CLHC1: variants seen among roughly 807,000 people sequenced by gnomAD.
The protein encoded by CLHC1 is clathrin heavy chain linker domain-containing protein 1.
Under a neutral mutation model 69.5 loss-of-function variants are expected in CLHC1, and 72 were observed. The ratio of observed to expected loss-of-function variants is 1.04; its 90% CI spans 0.86 to 1.26. The LOEUF is 1.26. Ranked by LOEUF, CLHC1 falls within the 50% of genes most tolerant of loss-of-function variation. CLHC1 has a pLI of 0.00. For missense variants in CLHC1, 790 were observed against 679.3 expected, an observed-to-expected ratio of 1.16 and a Z score of -1.81; for synonymous variants, 223 against 224.3, an observed-to-expected ratio of 0.99 and a Z score of 0.05.
In CLHC1 at chr2:55,189,345, T is replaced by C. The variant is rs193106979; in HGVS notation, c.1007-7601A>G. 5.9e-3 allele frequency among the ~76,000 whole-genome samples: 893 copies of C among 152,322 alleles called. 2 individuals carry two copies. The highest frequency in any genetic ancestry group is 9.8e-3 in the Non-Finnish European group (669 of 68,032). On this transcript the variant is annotated intron_variant, in intron 9 of 12. Transcript: ENST00000401408. ...CAAATATATCAATAATTTTGTTAAATAGTTATTATGTTAATTATGTTTAGT... is the reference window on the plus strand; with the variant it reads ...CAAATATATCAATAATTTTGTTAAACAGTTATTATGTTAATTATGTTTAGT...
chr2:55,193,184 G>A (rs1052064036), intron 9 of CLHC1, among the ~76,000 whole-genome samples: 4 of 152,176 alleles, frequency 2.6e-5, no homozygotes, highest in African/African-American at 4.8e-5. Flanking sequence ...GAACCACCGC[G>A]CCTGGACAGA....
Position 55,177,769 on chromosome 2 carries a change from T to A in CLHC1, c.1397A>T (p.Gln466Leu), listed in dbSNP as rs1218485072. Residue 466 changes from glutamine (Q) to leucine (L), a missense_variant, in exon 12 of 13, where the codon CAG becomes CTG. Coordinates refer to ENST00000401408, the MANE Select transcript of CLHC1 (RefSeq NM_152385.4). ...LKDFTTDDLL[Q>L]LLMSCPQVEL... ...AACTTGGGGACATGACATTAATAGC[T>A]GCAACAGGTCATCTGAAGGCAAAAA... The A allele has an allele frequency of 6.2e-7, 1 of 1,605,404 alleles. No homozygotes were observed. Among genetic ancestry groups the A allele is most frequent in the Admixed American group, 1.7e-5 (1 of 57,766 alleles).
chr2:55,197,331 C>T (rs1256892006), intron 9 of CLHC1, among the ~76,000 whole-genome samples: 1 of 152,162 alleles, frequency 6.6e-6, no homozygotes, highest in African/African-American at 2.4e-5. Flanking sequence ...ATTGTAGAGC[C>T]CTAGGGCCTT....
rs1553353361 is a variant in CLHC1 at position 55,208,865 on chromosome 2, C to CCTTTTTTTTTTTT, written c.815-156_815-155insAAAAAAAAAAAAG. On this transcript the variant is annotated intron_variant, in intron 7 of 12. Transcript: ENST00000401408. Reference sequence around the variant, plus strand: ...TTAGTGGCCTCCCCGTCCCTTTCCTCTTTTTTTTTTTTTTTTTTTTTTTGA... The same window carrying CCTTTTTTTTTTTT: ...TTAGTGGCCTCCCCGTCCCTTTCCTCCTTTTTTTTTTTTTTTTTTTTTTTTTTTTTTTTTTTGA... Among the ~76,000 whole-genome samples the CCTTTTTTTTTTTT allele has an allele frequency of 4.4e-5, 4 of 90,820 alleles. 1 individual carries two copies. Among genetic ancestry groups the CCTTTTTTTTTTTT allele is most frequent in the African/African-American group, 8.0e-5 (2 of 24,956 alleles). The allele number at this position is 90,820 out of a possible 152,430, so 59.6% of individuals were successfully genotyped here.
Position 55,173,840 on chromosome 2 carries a change from A to C in CLHC1, c.*1950T>G, listed in dbSNP as rs898924632. On this transcript the variant is annotated 3_prime_UTR_variant, in exon 13 of 13. Coordinates refer to ENST00000401408, the MANE Select transcript of CLHC1 (RefSeq NM_152385.4). ...CAATGCTAACTGAGAAGGAGTAATA[A>C]TGAGAAAAGGAAAAACAAGGCAAAA... Among the ~76,000 whole-genome samples, 1 of 152,334 alleles carries C rather than the reference A, an allele frequency of 6.6e-6. No individual in the cohort carries two copies. The highest frequency in any genetic ancestry group is 1.9e-4 in the East Asian group (1 of 5,190).
intron 9 of CLHC1, among the ~76,000 whole-genome samples, chr2:55,193,721 G>A (rs1379107408): frequency 6.6e-6 from 1 of 152,150 alleles, no homozygotes; most frequent in Non-Finnish European, 1.5e-5. Flanking sequence ...ATTCCTCAAA[G>A]TGTTAATACA....
chr2:55,176,668 G>A (rs866636159), intron 12 of CLHC1, among the ~76,000 whole-genome samples: 1 of 151,808 alleles, frequency 6.6e-6, no homozygotes, highest in Non-Finnish European at 1.5e-5. Flanking sequence ...CATAAAAGAG[G>A]ATCACTTTTT....
intron 9 of CLHC1, among the ~76,000 whole-genome samples, chr2:55,205,400 TACAC>T (rs35508061): frequency 6.8e-5 from 10 of 147,698 alleles, no homozygotes; most frequent in African/African-American, 2.2e-4. Flanking sequence ...ATAAAGAAAA[TACAC>T]ACACACACAC....
chr2:55,226,356 T>G (rs1290975995), intron 2 of CLHC1, among the ~76,000 whole-genome samples: 1 of 152,108 alleles, frequency 6.6e-6, no homozygotes, highest in Non-Finnish European at 1.5e-5. Flanking sequence ...TTTCCCTAAT[T>G]ACAGAAGCAT....
intron 4 of CLHC1, among the ~76,000 whole-genome samples, chr2:55,217,012 A>G (rs1330813334): frequency 6.6e-6 from 1 of 151,302 alleles, no homozygotes; most frequent in African/African-American, 2.4e-5. Context: ...AGTCTGACAT[A>G]GCAAAACTCC....
intron 4 of CLHC1, among the ~76,000 whole-genome samples, chr2:55,213,887 G>C (rs989668136): frequency 1.3e-5 from 2 of 152,200 alleles, no homozygotes; most frequent in Non-Finnish European, 1.5e-5. Context: ...AAGGAGCAGG[G>C]TGGGGTCAGT....
At chr2:55,200,448 T>C (rs1157484892) in intron 9 of CLHC1, among the ~76,000 whole-genome samples, 1 of 152,096 alleles carries the variant, frequency 6.6e-6, no homozygotes, top group Admixed American at 6.5e-5. Flanking sequence ...CATTATATAA[T>C]GATAAAGGGG....
intron 9 of CLHC1, among the ~76,000 whole-genome samples, chr2:55,200,189 C>T (rs1671803902): frequency 7.7e-6 from 1 of 129,200 alleles, no homozygotes; most frequent in Non-Finnish European, 1.6e-5. Context: ...GTTCATACCA[C>T]TGCACTAAAG....
intron 12 of CLHC1, 51 bp downstream of exon 12, chr2:55,177,551 C>T: frequency 1.5e-6 from 2 of 1,352,232 alleles, no homozygotes; most frequent in Non-Finnish European, 2.0e-6. Flanking sequence ...TCTTGAACCT[C>T]TCCCTAGATA....
intron 8 of CLHC1, chr2:55,206,973 G>C (rs2103918010): frequency 6.6e-6 from 1 of 152,038 alleles, no homozygotes; most frequent in Admixed American, 6.6e-5. Context: ...AAATTAGCCA[G>C]GCGTGGTGGC....
rs1314739945 is a variant in CLHC1 at position 55,228,067 on chromosome 2, G to T, written c.-118C>A. ...CTCTTTCTTCAGCTTCAGGAAAGCT[G>T]TCCTGGATTCCCTTAAAATTGGTCA... On this transcript the variant is annotated 5_prime_UTR_variant, in exon 2 of 13. Transcript: ENST00000401408. 6.6e-6 allele frequency: 1 copy of T among 152,154 alleles called. No homozygotes were observed. The highest frequency in any genetic ancestry group is 1.5e-5 in the Non-Finnish European group (1 of 68,150). The allele number at this position is 152,154 out of a possible 1,614,324, so 9.4% of individuals were successfully genotyped here.
At chr2:55,223,012 C>T (rs1674303212) in intron 2 of CLHC1, among the ~76,000 whole-genome samples, 1 of 151,472 alleles carries the variant, frequency 6.6e-6, no homozygotes, top group Non-Finnish European at 1.5e-5. Flanking sequence ...CAATGAAGAG[C>T]TCTTCTCTTG....
chr2:55,188,786 T>G (rs940595289), intron 9 of CLHC1, among the ~76,000 whole-genome samples: 4 of 152,034 alleles, frequency 2.6e-5, no homozygotes, highest in African/African-American at 9.7e-5. Flanking sequence ...AAGGCTAAAT[T>G]TCACAACTAA....
chr2:55,226,080 T>C (rs1339006955), intron 2 of CLHC1, among the ~76,000 whole-genome samples: 1 of 151,826 alleles, frequency 6.6e-6, no homozygotes, highest in Non-Finnish European at 1.5e-5. Flanking sequence ...TAGTCCCAGC[T>C]ACTCAGGAGG....
Sources: gnomAD v4.1 joint callset for allele counts (sites outside exome capture counted in the v4.1 genomes callset) on GRCh38, gnomAD v4.1.1 for gene constraint, MANE v1.5 for transcripts, NCBI Gene and HGNC (gene_info 2026-07-23, HGNC 2026-07-21) for gene names.